The following SYNPO variants were observed in gnomAD, a reference collection of about 807,000 sequenced individuals.
SYNPO encodes synaptopodin.
SYNPO carries 19 observed loss-of-function variants against 49.5 expected under a neutral mutation model. The ratio of observed to expected loss-of-function variants is 0.38; its 90% CI spans 0.27 to 0.56. The LOEUF (loss-of-function observed/expected upper bound fraction) is 0.56, where lower values mean the gene tolerates loss of function less well. SYNPO is among the 20% of genes least tolerant of loss of function. The pLI, the probability that SYNPO is intolerant of heterozygous loss-of-function variation, is 0.68. For synonymous variants in SYNPO, 536 were observed against 548.0 expected, an observed-to-expected ratio of 0.98 and a Z score of 0.31; for missense variants, 1,131 against 1,248.3, an observed-to-expected ratio of 0.91 and a Z score of 1.42.
At position 150,657,413 on chromosome 5, in the gene SYNPO, C is replaced by T. The variant is rs889127756; in HGVS notation, c.*326C>T. 2 of 288,200 alleles carry T rather than the reference C, an allele frequency of 6.9e-6. No individual in the cohort carries two copies. Among genetic ancestry groups the T allele is most frequent in the East Asian group, 1.5e-4 (2 of 13,450 alleles). 17.9% of individuals were successfully genotyped at this position (288,200 alleles called of 1,614,324 possible). ...ACACACCGATGCACACACACTCTCTCTTTCTCTCTCTCTCTCTCTCACACA... is the reference window on the plus strand; with the variant it reads ...ACACACCGATGCACACACACTCTCTTTTTCTCTCTCTCTCTCTCTCACACA... On this transcript the variant is annotated 3_prime_UTR_variant, in exon 3 of 3. Transcript: ENST00000307662.
intron 1 of SYNPO, among the ~76,000 whole-genome samples, chr5:150,617,113 G>A (rs1757001588): frequency 6.6e-6 from 1 of 152,130 alleles, no homozygotes; most frequent in South Asian, 2.1e-4. Flanking sequence ...TCCTCTGCGT[G>A]CATTTTTTCA....
the SYNPO span, among the ~76,000 whole-genome samples, chr5:150,595,617 C>T: frequency 6.6e-6 from 1 of 152,210 alleles, no homozygotes; most frequent in African/African-American, 2.4e-5. Flanking sequence ...TGATAAGAGA[C>T]CCACAATGTC....
rs369631230 is a variant in SYNPO, at chr5:150,657,054, C to G, written c.2679C>G (p.Gly893=). The G allele has an allele frequency of 6.3e-7, 1 of 1,597,476 alleles. No homozygotes were observed. The highest frequency in any genetic ancestry group is 1.3e-5 in the African/African-American group (1 of 74,812). ...ATGGCAGCCTTCGGCTCAAGCGTGG[C>G]AGCCTCCCCGCCGAGGCCTCCTGCA... The part of the protein sequence containing the change: ...GWNGSLRLKR[G]SLPAEASCTT The change falls in exon 3 of 3, where the codon GGC becomes GGG. Residue 893 remains glycine, a synonymous_variant. Coordinates refer to ENST00000307662, the MANE Select transcript of SYNPO (RefSeq NM_007286.6).
At chr5:150,637,260 C>T (rs969269003), upstream of SYNPO, among the ~76,000 whole-genome samples, 1 of 152,104 alleles carries the variant, frequency 6.6e-6, no homozygotes, top group African/African-American at 2.4e-5. Flanking sequence ...CGGCTGGAAA[C>T]CCACAATCCA....
intron 2 of SYNPO, chr5:150,625,010 C>G (rs1365737116): frequency 2.0e-6 from 2 of 976,362 alleles, no homozygotes; most frequent in Admixed American, 6.1e-5. Flanking sequence ...GGTGGCACAT[C>G]TGGGCTCCAG....
intron 1 of SYNPO, among the ~76,000 whole-genome samples, chr5:150,609,671 A>G (rs1435885220): frequency 1.3e-5 from 2 of 152,218 alleles, no homozygotes; most frequent in Non-Finnish European, 2.9e-5. Flanking sequence ...TGTATGCAAC[A>G]GATAAAAAGC....
chr5:150,614,391 G>C (rs1756929072), intron 1 of SYNPO, among the ~76,000 whole-genome samples: 1 of 152,190 alleles, frequency 6.6e-6, no homozygotes, highest in African/African-American at 2.4e-5. Context: ...TCAGACTGTG[G>C]AGCACCTGAC....
At chr5:150,588,412 G>T in the SYNPO span, among the ~76,000 whole-genome samples, 4 of 152,206 alleles carry the variant, frequency 2.6e-5, no homozygotes, top group East Asian at 7.7e-4. Flanking sequence ...CTGGGGGTGT[G>T]TCTGCCAGGG....
rs913618421 is a variant in SYNPO, at chr5:150,645,201, T to C, written c.-332-2743T>C. ...GAATTCTTCCAGCTCTGAGAGTCCA[T>C]GAATTCAGAGCCTCGCTGGCAAGAT... is the stretch of plus-strand genomic sequence containing the variant. On this transcript the variant is annotated intron_variant, in intron 1 of 2. Coordinates refer to ENST00000307662, the MANE Select transcript of SYNPO (RefSeq NM_007286.6). Among the ~76,000 whole-genome samples, 3 of 152,264 alleles carry C rather than the reference T, an allele frequency of 2.0e-5. No individual in the cohort carries two copies. The South Asian group carries it at 6.2e-4, about 32-fold the overall frequency.
At chr5:150,610,480 G>A (rs1456213940) in intron 1 of SYNPO, among the ~76,000 whole-genome samples, 1 of 152,188 alleles carries the variant, frequency 6.6e-6, no homozygotes, top group East Asian at 1.9e-4. Flanking sequence ...TCTGTTAACT[G>A]AGGGATAACA....
At chr5:150,634,864 C>A (rs1272274412) in intron 2 of SYNPO, among the ~76,000 whole-genome samples, 7 of 45,892 alleles carry the variant, frequency 1.5e-4, no homozygotes, top group East Asian at 5.4e-4. Context: ...ACACACACAC[C>A]ACACACACAC....
rs1758661703 is a variant in SYNPO, at chr5:150,658,887, T to A, written c.*1800T>A. The stretch of plus-strand genomic sequence containing the variant: ...TCTTACTCAGTTAATGATGAGTGAC[T>A]ATATTTACCAAAGCCCCTACCTGCT... On this transcript the variant is annotated 3_prime_UTR_variant, in exon 3 of 3. Transcript: ENST00000307662. 6.6e-6 allele frequency: 1 copy of A among 152,332 alleles called. No homozygotes were observed. Among genetic ancestry groups the A allele is most frequent in the African/African-American group, 2.4e-5 (1 of 41,416 alleles). The allele number at this position is 152,332 out of a possible 1,614,324, so 9.4% of individuals were successfully genotyped here.
intron 1 of SYNPO, among the ~76,000 whole-genome samples, chr5:150,605,328 C>T (rs571307957): frequency 5.3e-5 from 8 of 152,244 alleles, no homozygotes; most frequent in African/African-American, 1.7e-4. Context: ...CCCAGGTTGG[C>T]GGGTGGTCAG....
chr5:150,618,139 A>G (rs1757032380), exon 2 of SYNPO: 1 of 509,726 alleles, frequency 2.0e-6, no homozygotes. Flanking sequence ...AGACGGGTTA[A>G]GAAGAGGGAT....
At chr5:150,594,774 G>A in the SYNPO span, among the ~76,000 whole-genome samples, 3 of 152,040 alleles carry the variant, frequency 2.0e-5, no homozygotes, top group Non-Finnish European at 4.4e-5. Context: ...AGTTTTTTTC[G>A]GATGATAAAA....
chr5:150,657,428 TCTCTCACACA>T lies in SYNPO; in HGVS notation c.*343_*352del, dbSNP rs1387744817. On this transcript the variant is annotated 3_prime_UTR_variant, in exon 3 of 3. Coordinates refer to ENST00000307662, the MANE Select transcript of SYNPO (RefSeq NM_007286.6). The stretch of plus-strand genomic sequence containing the variant: ...CACACTCTCTCTTTCTCTCTCTCTC[TCTCTCACACA>T]CACACACACACACACACACACACAC... 1.4e-3 allele frequency: 235 copies of T among 169,280 alleles called. 2 individuals are homozygous for T. The East Asian group carries it at 0.018, about 13-fold the overall frequency. 10.5% of individuals were successfully genotyped at this position (169,280 alleles called of 1,614,324 possible). A position where few individuals can be genotyped will look rare whatever the true frequency, so the allele number is the denominator to read the frequency against.
intron 2 of SYNPO, among the ~76,000 whole-genome samples, chr5:150,632,555 C>A (rs1050546064): frequency 7.2e-5 from 11 of 152,242 alleles, no homozygotes; most frequent in African/African-American, 2.4e-4. Context: ...AAAGATAAAA[C>A]AGGCTGGTGG....
chr5:150,656,627 G>A lies in SYNPO; in HGVS notation c.2252G>A (p.Arg751His), dbSNP rs560859730. 9 of 1,510,158 alleles carry A rather than the reference G, an allele frequency of 6.0e-6. No individual in the cohort carries two copies. Among genetic ancestry groups the A allele is most frequent in the East Asian group, 2.7e-5 (1 of 37,354 alleles). 93.5% of individuals were successfully genotyped at this position (1,510,158 alleles called of 1,614,324 possible). A position where few individuals can be genotyped will look rare whatever the true frequency, so the allele number is the denominator to read the frequency against. The change falls in exon 3 of 3, where the codon CGC becomes CAC. Residue 751 changes from arginine to histidine, a missense_variant. Physicochemically the swap from Arg to His is conservative, Grantham distance 29 (BLOSUM62 0). Transcript: ENST00000307662. ...RPETEARPPS[R>H]QLQALLARNI... is the part of the protein sequence containing the mutation. ...GAGACCGAGGCGCGGCCCCCCAGCC[G>A]CCAGCTGCAGGCGCTTCTGGCGCGA... is the stretch of plus-strand genomic sequence containing the variant.
intron 2 of SYNPO, among the ~76,000 whole-genome samples, chr5:150,622,672 G>A (rs959509722): frequency 5.9e-5 from 9 of 152,232 alleles, no homozygotes; most frequent in African/African-American, 2.2e-4. Flanking sequence ...CTGTGTGCGT[G>A]TTAACAGCTG....
Sources: allele counts gnomAD v4.1 joint callset (sites outside exome capture counted in the v4.1 genomes callset), GRCh38; gene constraint gnomAD v4.1.1; transcripts MANE v1.5; gene names NCBI Gene and HGNC (gene_info 2026-07-23, HGNC 2026-07-21).